Variants in SH3BP2 observed in about 807,000 individuals in gnomAD.
The protein encoded by SH3BP2 is SH3 domain binding protein 2, also known as SH3 domain-binding protein 2.
Under a neutral mutation model 56.2 loss-of-function variants are expected in SH3BP2, and 38 were observed. The observed-to-expected ratio is 0.68, with a 90% CI of 0.52 to 0.89. The LOEUF is 0.89. Among genes scored for constraint, SH3BP2 ranks in the 40% least tolerant of loss-of-function variants. The pLI is 0.00. For missense variants in SH3BP2, 748 were observed against 762.6 expected (o/e 0.98, Z 0.23); for synonymous variants, 346 against 316.7 (o/e 1.09, Z -0.98).
At chr4:2,813,179 A>G (rs894484915) in intron 1 of SH3BP2, among the ~76,000 whole-genome samples, 6 of 152,210 alleles carry the variant, frequency 3.9e-5, no homozygotes, top group Non-Finnish European at 7.4e-5. Context: ...AGCTGTGGGG[A>G]GGCAGGGCAG....
intron 1 of SH3BP2, among the ~76,000 whole-genome samples, chr4:2,806,584 T>C (rs1406876948): frequency 6.6e-6 from 1 of 151,706 alleles, no homozygotes; most frequent in East Asian, 1.9e-4. Context: ...TCGCCTTGCC[T>C]CACTTCACTG....
chr4:2,807,189 G>A (rs1723570350), intron 1 of SH3BP2, among the ~76,000 whole-genome samples: 2 of 152,198 alleles, frequency 1.3e-5, no homozygotes, highest in African/African-American at 4.8e-5. Context: ...GTCTCACTGG[G>A]CAGAGGTCCA....
intron 1 of SH3BP2, among the ~76,000 whole-genome samples, chr4:2,802,440 GTGTA>G (rs1560095844): frequency 1.4e-5 from 2 of 145,662 alleles, no homozygotes; most frequent in Admixed American, 6.8e-5. Flanking sequence ...GTGTGTGTGT[GTGTA>G]TGTATATATG....
rs371550124 is a variant in SH3BP2 at position 2,832,980 on chromosome 4, C to T, written c.1489-10C>T. The T allele has an allele frequency of 1.5e-5, 24 of 1,614,136 alleles. No individual in the cohort carries two copies. The highest frequency in any genetic ancestry group is 5.3e-5 in the African/African-American group (4 of 75,052). On this transcript the variant is annotated splice_polypyrimidine_tract_variant and intron_variant, in intron 11 of 12. Coordinates refer to ENST00000503393, the MANE Select transcript of SH3BP2 (RefSeq NM_001122681.2). ...CAGGGAGCCGTCAGCCTCCCGCTTC[C>T]GTCCTGTAGGTCCTGGTTGTGTGGG...
intron 5 of SH3BP2, among the ~76,000 whole-genome samples, chr4:2,825,629 ATC>A (rs1469642134): frequency 1.3e-5 from 2 of 151,986 alleles, no homozygotes; most frequent in East Asian, 1.9e-4. Flanking sequence ...GTGTGCATGC[ATC>A]TCTCTGCTCC....
At chr4:2,824,828 C>T in intron 4 of SH3BP2, 98 bp downstream of exon 4, 1 of 954,488 alleles carries the variant, frequency 1.0e-6, no homozygotes, top group Non-Finnish European at 1.7e-6. Context: ...TCCTGGGGCG[C>T]TGGCCTCTCA....
At chr4:2,824,875 C>T in intron 4 of SH3BP2, 145 bp downstream of exon 4, 1 of 717,336 alleles carries the variant, frequency 1.4e-6, no homozygotes, top group East Asian at 2.6e-5. Flanking sequence ...GGGACACAGG[C>T]AGCTGGGTGG....
In SH3BP2 at chr4:2,830,163, G is replaced by C. The variant is rs1294466954; in HGVS notation, c.1241+16G>C. 3 of 1,594,836 alleles carry C rather than the reference G, an allele frequency of 1.9e-6. No homozygotes were observed. The African/African-American group carries it at 4.0e-5, about 21-fold the overall frequency. On this transcript the variant is annotated intron_variant, in intron 8 of 12. Coordinates refer to ENST00000503393, the MANE Select transcript of SH3BP2 (RefSeq NM_001122681.2). ...CGCACCTCCAGTGAGTTTGTGTGGCGGCTGCAAGCCCTGCCTCCAGCTACA... is the reference window on the plus strand; with the variant it reads ...CGCACCTCCAGTGAGTTTGTGTGGCCGCTGCAAGCCCTGCCTCCAGCTACA...
intron 1 of SH3BP2, among the ~76,000 whole-genome samples, chr4:2,812,991 C>T (rs1339156427): frequency 2.6e-5 from 4 of 152,158 alleles, no homozygotes; most frequent in Non-Finnish European, 4.4e-5. Context: ...CAGGGACTGC[C>T]GGGCTGGGGC....
chr4:2,799,106 C>T, intron 1 of SH3BP2: 1 of 985,592 alleles, frequency 1.0e-6, no homozygotes, highest in Non-Finnish European at 1.2e-6. Context: ...GCCACCCGTA[C>T]CCGCCCTGCC....
chr4:2,798,957 GC>G (rs1365041831), intron 1 of SH3BP2: 47 of 982,572 alleles, frequency 4.8e-5, no homozygotes, highest in Non-Finnish European at 5.2e-5. Flanking sequence ...AGCTGCTGGG[GC>G]GGGGTGTGTG....
rs1447717952 is a variant in SH3BP2 at position 2,834,673 on chromosome 4, C to T, written c.*839C>T. 1 of 152,296 alleles carries T rather than the reference C, an allele frequency of 6.6e-6. No homozygotes were observed. Among genetic ancestry groups the T allele is most frequent in the Non-Finnish European group, 1.5e-5 (1 of 68,076 alleles). The allele number at this position is 152,296 out of a possible 1,614,324, so 9.4% of individuals were successfully genotyped here. A position where few individuals can be genotyped will look rare whatever the true frequency, so the allele number is the denominator to read the frequency against. ...TGCATACACTGAGCGGGCTACAGAG[C>T]TAGAAGGCCCTGCAGCTACAGCTGC... On this transcript the variant is annotated 3_prime_UTR_variant, in exon 13 of 13. Transcript: ENST00000503393.
chr4:2,815,803 CT>C (rs992456864), intron 1 of SH3BP2, among the ~76,000 whole-genome samples: 1 of 152,168 alleles, frequency 6.6e-6, no homozygotes, highest in African/African-American at 2.4e-5. Flanking sequence ...GGTGTCCCCC[CT>C]GGGCTGGGTC....
chr4:2,803,131 G>T (rs561019000), intron 1 of SH3BP2, among the ~76,000 whole-genome samples: 18 of 152,200 alleles, frequency 1.2e-4, no homozygotes, highest in Admixed American at 2.0e-4. Context: ...GACAGGCGGC[G>T]CAGGGCTCTC....
At chr4:2,798,195 G>A (rs955705407) in intron 1 of SH3BP2, among the ~76,000 whole-genome samples, 1 of 152,306 alleles carries the variant, frequency 6.6e-6, no homozygotes, top group African/African-American at 2.4e-5. Flanking sequence ...AGGAAGAGCC[G>A]CCGAGCGGAG....
intron 11 of SH3BP2, 136 bp downstream of exon 11, chr4:2,832,548 C>A: frequency 1.3e-6 from 1 of 744,338 alleles, no homozygotes. Flanking sequence ...GAATTCTCTT[C>A]CCAGCAGCAC....
chr4:2,796,409 C>A lies in SH3BP2; in HGVS notation c.-5+3271C>A, dbSNP rs1254792657. On this transcript the variant is annotated intron_variant, in intron 1 of 12. Coordinates refer to ENST00000503393, the MANE Select transcript of SH3BP2 (RefSeq NM_001122681.2). ...TTCCAAGGCCATGAGAGTGGTCAGG[C>A]CCTGCTTGGTTTCCCGGCCCCCGAT... 1.4e-5 allele frequency: 14 copies of A among 985,346 alleles called. No homozygotes were observed. In the Admixed American group the frequency reaches 7.4e-4, roughly 52 times the overall value. 61.0% of individuals were successfully genotyped at this position (985,346 alleles called of 1,614,324 possible).
In SH3BP2 at chr4:2,833,807, C is replaced by T; in HGVS notation, c.1659C>T (p.His553=). The stretch of plus-strand genomic sequence containing the variant: ...GCCACCAGAGCCTGCTGCTGCGGCA[C>T]CCCTACGGCTACACTGGGCCTAGGT... The part of the protein sequence containing the change: ...LPSHQSLLLR[H]PYGYTGPR The change falls in exon 13 of 13, where the codon CAC becomes CAT. Residue 553 remains histidine, a synonymous_variant. Transcript: ENST00000503393. 2.5e-6 allele frequency: 4 copies of T among 1,586,180 alleles called. No homozygotes were observed. Among genetic ancestry groups the T allele is most frequent in the East Asian group, 2.3e-5 (1 of 43,408 alleles).
At chr4:2,812,960 G>A (rs1723827121) in intron 1 of SH3BP2, among the ~76,000 whole-genome samples, 1 of 152,208 alleles carries the variant, frequency 6.6e-6, no homozygotes, top group African/African-American at 2.4e-5. Flanking sequence ...AACCTGCAAT[G>A]TGGAGGACCC....
Sources: gnomAD v4.1 joint callset for allele counts (sites outside exome capture counted in the v4.1 genomes callset) on GRCh38, gnomAD v4.1.1 for gene constraint, MANE v1.5 for transcripts, NCBI Gene and HGNC (gene_info 2026-07-23, HGNC 2026-07-21) for gene names.